PAG1: variants seen among roughly 807,000 people sequenced by gnomAD.
PAG1 encodes the protein phosphoprotein associated with glycosphingolipid-enriched microdomains 1.
PAG1 carries 23 observed loss-of-function variants against 31.7 expected under a neutral mutation model. The observed-to-expected ratio is 0.73, with a 90% CI of 0.52 to 1.03. PAG1 has a LOEUF of 1.03. Among genes scored for constraint, PAG1 ranks in the 50% least tolerant of loss-of-function variants. The probability of loss-of-function intolerance (pLI) is 0.00; values close to 1 mark genes in which losing one functional copy is unlikely to be tolerated. For missense variants in PAG1, 473 were observed against 540.7 expected (o/e 0.87, Z 1.24); for synonymous variants, 214 against 210.3 (o/e 1.02, Z -0.15).
At chr8:81,017,737 G>T (rs570928777) in intron 3 of PAG1, among the ~76,000 whole-genome samples, 7 of 152,290 alleles carry the variant, frequency 4.6e-5, no homozygotes, top group African/African-American at 1.7e-4. Context: ...CTCAAGGCCT[G>T]TATTTCTCAA....
chr8:81,059,047 C>A (rs560944425), intron 2 of PAG1, among the ~76,000 whole-genome samples: 1 of 152,144 alleles, frequency 6.6e-6, no homozygotes, highest in African/African-American at 2.4e-5. Context: ...CAGAACCCCC[C>A]TCAGATACCA....
intron 1 of PAG1, among the ~76,000 whole-genome samples, chr8:81,070,507 C>T (rs931739288): frequency 3.3e-5 from 5 of 152,102 alleles, no homozygotes; most frequent in African/African-American, 1.2e-4. Flanking sequence ...CTAACTCAAT[C>T]CCACCAATGA....
At chr8:81,093,067 A>G (rs745865122) in intron 1 of PAG1, among the ~76,000 whole-genome samples, 44 of 152,238 alleles carry the variant, frequency 2.9e-4, no homozygotes, top group Non-Finnish European at 5.3e-4. Flanking sequence ...TAAATGTTTA[A>G]TAAGTGAAGA....
At chr8:81,022,579 TAAAGGTA>T (rs1808208785) in intron 3 of PAG1, among the ~76,000 whole-genome samples, 1 of 152,188 alleles carries the variant, frequency 6.6e-6, no homozygotes, top group Admixed American at 6.5e-5. Context: ...ATCCATATAT[TAAAGGTA>T]AAAGGTATTT....
intron 1 of PAG1, among the ~76,000 whole-genome samples, chr8:81,072,186 T>C (rs1809104989): frequency 6.6e-6 from 1 of 152,244 alleles, no homozygotes; most frequent in Non-Finnish European, 1.5e-5. Context: ...AACTGTAGTG[T>C]GCTTGTAAAG....
intron 3 of PAG1, among the ~76,000 whole-genome samples, chr8:81,025,946 G>A (rs1040453459): frequency 2.0e-5 from 3 of 152,130 alleles, no homozygotes; most frequent in Non-Finnish European, 2.9e-5. Flanking sequence ...TGACAGTTAA[G>A]CAAGCTCTGC....
Position 80,989,768 on chromosome 8 carries a change from T to C in PAG1, c.177+1711A>G, listed in dbSNP as rs948036685. 4.6e-5 allele frequency among the ~76,000 whole-genome samples: 7 copies of C among 152,142 alleles called. No individual in the cohort carries two copies. In the South Asian group the frequency reaches 8.3e-4, roughly 18 times the overall value. ...CACTCGAGCATACAACTGGATCACC[T>C]GGGGTGCTTGCGAGCCTTTTACTGG... is the stretch of plus-strand genomic sequence containing the variant. On this transcript the variant is annotated intron_variant, in intron 5 of 8. Coordinates refer to ENST00000220597, the MANE Select transcript of PAG1 (RefSeq NM_018440.4).
chr8:80,993,144 G>C lies in PAG1; in HGVS notation c.84C>G (p.Phe28Leu). The C allele has an allele frequency of 6.2e-7, 1 of 1,613,814 alleles. No homozygotes were observed. The highest frequency in any genetic ancestry group is 8.5e-7 in the Non-Finnish European group (1 of 1,179,872). The change falls in exon 4 of 9, where the codon TTC (phenylalanine) becomes TTG (leucine). Residue 28 changes from phenylalanine (F) to leucine (L), a missense_variant. Coordinates refer to ENST00000220597, the MANE Select transcript of PAG1 (RefSeq NM_018440.4). ...WGSLAAVAIF[F>L]VITFLIFLCS... The stretch of plus-strand genomic sequence containing the variant: ...ACAGGAAGATGAGGAAGGTGATGAC[G>C]AAGAAAATGGCGACAGCAGCCAGAC...
chr8:81,032,308 G>C (rs977223678), intron 2 of PAG1, among the ~76,000 whole-genome samples: 2 of 152,086 alleles, frequency 1.3e-5, no homozygotes, highest in Non-Finnish European at 2.9e-5. Flanking sequence ...TATGCAAATC[G>C]TATGTGATAA....
At chr8:81,000,694 G>A (rs1301676298) in intron 3 of PAG1, among the ~76,000 whole-genome samples, 1 of 152,074 alleles carries the variant, frequency 6.6e-6, no homozygotes, top group Admixed American at 6.5e-5. Flanking sequence ...TGCCAGCCTA[G>A]GCCTCCCAAA....
intron 7 of PAG1, among the ~76,000 whole-genome samples, chr8:80,982,655 C>T (rs903428322): frequency 3.9e-5 from 6 of 152,214 alleles, no homozygotes; most frequent in East Asian, 1.9e-4. Context: ...GAAGTCCAAT[C>T]GGTATCTCAA....
intron 4 of PAG1, 29 bp downstream of exon 4, chr8:80,993,074 G>A: frequency 2.5e-6 from 4 of 1,579,480 alleles, no homozygotes; most frequent in Non-Finnish European, 3.5e-6. Context: ...ATTAGTTTAA[G>A]GCACAGGTAT....
intron 1 of PAG1, among the ~76,000 whole-genome samples, chr8:81,108,101 G>T: frequency 6.6e-6 from 1 of 152,184 alleles, no homozygotes; most frequent in East Asian, 1.9e-4. Context: ...AGATAACATA[G>T]ATGAGAAATG....
intron 1 of PAG1, among the ~76,000 whole-genome samples, chr8:81,105,324 A>G (rs538417782): frequency 6.6e-6 from 1 of 152,306 alleles, no homozygotes; most frequent in East Asian, 1.9e-4. Flanking sequence ...ATATTAATAT[A>G]TATCTGGTGA....
At chr8:81,083,548 T>C (rs949674422) in intron 1 of PAG1, among the ~76,000 whole-genome samples, 2 of 152,136 alleles carry the variant, frequency 1.3e-5, no homozygotes, top group African/African-American at 4.8e-5. Context: ...CTTTTGCTGG[T>C]AGGGTGAGGC....
intron 3 of PAG1, among the ~76,000 whole-genome samples, chr8:81,004,910 G>A (rs768197718): frequency 4.6e-5 from 7 of 152,172 alleles, no homozygotes; most frequent in Non-Finnish European, 1.0e-4. Context: ...AGGGCCAGCC[G>A]GCCTCTGAGG....
At chr8:81,059,362 A>G (rs1808881172) in intron 2 of PAG1, among the ~76,000 whole-genome samples, 1 of 152,060 alleles carries the variant, frequency 6.6e-6, no homozygotes, top group Non-Finnish European at 1.5e-5. Flanking sequence ...CCAACTGTAA[A>G]TGTTGTTTCT....
At chr8:81,077,621 C>G (rs1436405614) in intron 1 of PAG1, among the ~76,000 whole-genome samples, 1 of 152,138 alleles carries the variant, frequency 6.6e-6, no homozygotes, top group East Asian at 1.9e-4. Flanking sequence ...TTGTCCACAA[C>G]TAAGTTTTTT....
At chr8:81,107,476 C>A (rs1383410935) in intron 1 of PAG1, among the ~76,000 whole-genome samples, 1 of 152,202 alleles carries the variant, frequency 6.6e-6, no homozygotes, top group Non-Finnish European at 1.5e-5. Flanking sequence ...GGCCTCCTTG[C>A]ACAGTTCTGG....
Sources: allele counts gnomAD v4.1 joint callset (sites outside exome capture counted in the v4.1 genomes callset), GRCh38; gene constraint gnomAD v4.1.1; transcripts MANE v1.5; gene names NCBI Gene and HGNC (gene_info 2026-07-23, HGNC 2026-07-21).